Variants in ANKS3 observed in about 807,000 individuals in gnomAD.
ANKS3 encodes ankyrin repeat and sterile alpha motif domain containing 3, also known as ankyrin repeat and SAM domain-containing protein 3.
In ANKS3, 62 loss-of-function variants were observed where a neutral mutation model predicts 80.7. That is an observed-to-expected ratio of 0.77 (90% CI 0.63 to 0.95). ANKS3 has a LOEUF of 0.95. Ranked by LOEUF, ANKS3 falls within the 40% of genes least tolerant of loss-of-function variation. The pLI is 0.00. For missense variants in ANKS3, 1,150 were observed against 883.6 expected, an observed-to-expected ratio of 1.30 and a Z score of -3.82; for synonymous variants, 489 against 355.3, an observed-to-expected ratio of 1.38 and a Z score of -4.23.
At chr16:4,708,871 G>A (rs1028967936) in intron 7 of ANKS3, among the ~76,000 whole-genome samples, 9 of 151,960 alleles carry the variant, frequency 5.9e-5, no homozygotes, top group African/African-American at 1.2e-4. Context: ...CCTGGGAGGC[G>A]GGGGTTGCAG....
intron 6 of ANKS3, among the ~76,000 whole-genome samples, chr16:4,716,969 A>C (rs1462159481): frequency 6.6e-6 from 1 of 151,512 alleles, no homozygotes; most frequent in Admixed American, 6.6e-5. Context: ...CGGTGGCTCA[A>C]GCCTGTAATC....
intron 7 of ANKS3, among the ~76,000 whole-genome samples, chr16:4,711,454 C>T (rs1215354597): frequency 6.6e-6 from 1 of 151,758 alleles, no homozygotes; most frequent in Non-Finnish European, 1.5e-5. Context: ...TGCGGTGGCT[C>T]ACACCTATAA....
Position 4,696,848 on chromosome 16 carries a change from A to G in ANKS3, c.*60T>C, listed in dbSNP as rs2079577990. 1.5e-6 allele frequency: 1 copy of G among 670,340 alleles called. No homozygotes were observed. Among genetic ancestry groups the G allele is most frequent in the East Asian group, 2.7e-5 (1 of 36,762 alleles). 41.5% of individuals were successfully genotyped at this position (670,340 alleles called of 1,614,324 possible). On this transcript the variant is annotated 3_prime_UTR_variant, in exon 18 of 18. Coordinates refer to ENST00000304283, the MANE Select transcript of ANKS3 (RefSeq NM_133450.4). ...CAGCTACCTGCTCACTGTCCTCCTCACTCCCTGGCACACAGCTTCAGGGTG... is the reference window on the plus strand; with the variant it reads ...CAGCTACCTGCTCACTGTCCTCCTCGCTCCCTGGCACACAGCTTCAGGGTG...
chr16:4,698,902 G>A lies in ANKS3; in HGVS notation c.1449C>T (p.Ala483=). Residue 483 remains alanine, a synonymous_variant, in exon 13 of 18, where the codon GCC becomes GCT. Transcript: ENST00000304283. ...GPKRKMTSAI[A]RWHSSARPPG... is the part of the protein sequence containing the mutation. ...GTGGGCGGGCACTGCTGTGCCAGCGGGCAATGGCGGACGTCATCTTCCTCT... is the reference window on the plus strand; with the variant it reads ...GTGGGCGGGCACTGCTGTGCCAGCGAGCAATGGCGGACGTCATCTTCCTCT... 3.8e-6 allele frequency: 6 copies of A among 1,599,444 alleles called. No homozygotes were observed. Among genetic ancestry groups the A allele is most frequent in the African/African-American group, 1.3e-5 (1 of 74,886 alleles).
chr16:4,711,577 G>A (rs1273980755), intron 7 of ANKS3, among the ~76,000 whole-genome samples: 1 of 151,716 alleles, frequency 6.6e-6, no homozygotes, highest in Non-Finnish European at 1.5e-5. Flanking sequence ...AATTATCCAG[G>A]CATGGTAGCG....
At chr16:4,700,355 T>G (rs1240773508) in intron 11 of ANKS3, 13 of 159,264 alleles carry the variant, frequency 8.2e-5, no homozygotes, top group African/African-American at 9.6e-5. Flanking sequence ...AGGAGGAGGT[T>G]GCAGTGAGCC....
At chr16:4,712,557 A>G (rs2142082375) in intron 7 of ANKS3, among the ~76,000 whole-genome samples, 1 of 152,320 alleles carries the variant, frequency 6.6e-6, no homozygotes, top group South Asian at 2.1e-4. Flanking sequence ...CATGAAGACA[A>G]TCTACCATAT....
At chr16:4,701,638 C>CT (rs1334369716) in intron 9 of ANKS3, 95 bp from the exon 10 acceptor site, 5 of 1,067,504 alleles carry the variant, frequency 4.7e-6, no homozygotes, top group Non-Finnish European at 6.7e-6. Context: ...CAGGGCACTC[C>CT]TTGGGGCCTG....
intron 7 of ANKS3, among the ~76,000 whole-genome samples, chr16:4,712,906 A>C (rs1326696744): frequency 1.3e-5 from 2 of 152,144 alleles, no homozygotes; most frequent in Admixed American, 6.5e-5. Flanking sequence ...TACACCTGTA[A>C]AGCCCTAAAG....
chr16:4,725,594 G>C (rs1162131798), intron 5 of ANKS3, among the ~76,000 whole-genome samples: 1 of 152,200 alleles, frequency 6.6e-6, no homozygotes, highest in Non-Finnish European at 1.5e-5. Context: ...TTGTTCAAAG[G>C]TGATTATTAT....
chr16:4,711,487 G>A (rs947884890), intron 7 of ANKS3, among the ~76,000 whole-genome samples: 3 of 151,858 alleles, frequency 2.0e-5, no homozygotes, highest in African/African-American at 7.2e-5. Flanking sequence ...GGGAGGCCCA[G>A]GTGGGCAGAC....
At position 4,730,043 on chromosome 16, in the gene ANKS3, G is replaced by A. The variant is rs747920018; in HGVS notation, c.107C>T (p.Pro36Leu). ...TQVSGEELDV[P>L]LDLHTAASIG... is the part of the protein sequence containing the mutation. ...GGAAGCAGCTGTGTGAAGATCCAGG[G>A]GGACATCCAGCTCCTCCCCGCTGAC... is the stretch of plus-strand genomic sequence containing the variant. The change falls in exon 3 of 18, where the codon CCC becomes CTC. Residue 36 changes from proline (P) to leucine (L), a missense_variant. Coordinates refer to ENST00000304283, the MANE Select transcript of ANKS3 (RefSeq NM_133450.4). The A allele has an allele frequency of 1.5e-5, 24 of 1,587,430 alleles. No homozygotes were observed. Among genetic ancestry groups the A allele is most frequent in the Non-Finnish European group, 1.4e-5 (16 of 1,164,104 alleles).
rs967026628 is a variant in ANKS3, at chr16:4,720,824, C to A, written c.573+3926G>T. Among the ~76,000 whole-genome samples the A allele has an allele frequency of 2.7e-5, 4 of 150,638 alleles. 1 individual carries two copies. The highest frequency in any genetic ancestry group is 9.7e-5 in the African/African-American group (4 of 41,204). On this transcript the variant is annotated intron_variant, in intron 6 of 17. Coordinates refer to ENST00000304283, the MANE Select transcript of ANKS3 (RefSeq NM_133450.4). ...TGGTGGCACACGCCTGTAATCCCAG[C>A]TACTCAGGAGGCTGAGGCAGGAGAA... is the stretch of plus-strand genomic sequence containing the variant.
At position 4,696,881 on chromosome 16, in the gene ANKS3, C is replaced by G; in HGVS notation, c.*27G>C. 2 of 795,206 alleles carry G rather than the reference C, an allele frequency of 2.5e-6. No individual in the cohort carries two copies. Among genetic ancestry groups the G allele is most frequent in the South Asian group, 1.6e-5 (1 of 60,650 alleles). The allele number at this position is 795,206 out of a possible 1,614,324, so 49.3% of individuals were successfully genotyped here. A position where few individuals can be genotyped will look rare whatever the true frequency, so the allele number is the denominator to read the frequency against. On this transcript the variant is annotated 3_prime_UTR_variant, in exon 18 of 18. Transcript: ENST00000304283. ...GCACACAGCTTCAGGGTGGACCAAT[C>G]ACCCAACGTCAGATTCTGAAAGAAA...
chr16:4,712,212 A>T (rs932340028), intron 7 of ANKS3, among the ~76,000 whole-genome samples: 11 of 152,160 alleles, frequency 7.2e-5, no homozygotes, highest in Non-Finnish European at 1.5e-4. Context: ...CTCTACTAAA[A>T]ATACAAAAAT....
intron 6 of ANKS3, among the ~76,000 whole-genome samples, chr16:4,718,685 C>A (rs1445270542): frequency 6.6e-6 from 1 of 152,218 alleles, no homozygotes; most frequent in African/African-American, 2.4e-5. Flanking sequence ...CAGGGCTTGC[C>A]CACCAGCATC....
At chr16:4,716,066 A>C (rs1234120722) in intron 6 of ANKS3, among the ~76,000 whole-genome samples, 2 of 152,062 alleles carry the variant, frequency 1.3e-5, no homozygotes, top group Non-Finnish European at 2.9e-5. Flanking sequence ...CATTAAGAGA[A>C]AAAAGGCACA....
At chr16:4,724,881 A>G in intron 5 of ANKS3, 50 bp from the exon 6 acceptor site, 3 of 1,564,486 alleles carry the variant, frequency 1.9e-6, no homozygotes, top group Admixed American at 1.7e-5. Context: ...AAGTTCCGCC[A>G]GGCAAAAACT....
chr16:4,718,256 CT>C (rs1300010630), intron 6 of ANKS3, among the ~76,000 whole-genome samples: 1 of 151,868 alleles, frequency 6.6e-6, no homozygotes, highest in African/African-American at 2.4e-5. Flanking sequence ...CTTTAAGAGA[CT>C]TTTTTTTCCT....
Sources: gnomAD v4.1 joint callset for allele counts (sites outside exome capture counted in the v4.1 genomes callset) on GRCh38, gnomAD v4.1.1 for gene constraint, MANE v1.5 for transcripts, NCBI Gene and HGNC (gene_info 2026-07-23, HGNC 2026-07-21) for gene names.